Variants in PLCB1 observed in about 807,000 individuals in gnomAD.
The protein encoded by PLCB1 is phospholipase C beta 1, also known as 1-phosphatidylinositol 4,5-bisphosphate phosphodiesterase beta-1.
Under a neutral mutation model 161.8 loss-of-function variants are expected in PLCB1, and 46 were observed. The ratio of observed to expected loss-of-function variants is 0.28; its 90% CI spans 0.22 to 0.36. The LOEUF is 0.36. PLCB1 is among the 10% of genes least tolerant of loss of function. The pLI, the probability that PLCB1 is intolerant of heterozygous loss-of-function variation, is 1.00. For synonymous variants in PLCB1, 517 were observed against 503.7 expected (o/e 1.03, Z -0.35); for missense variants, 1,016 against 1,472.5 (o/e 0.69, Z 5.07).
At chr20:8,525,101 C>G (rs1600127564) in intron 3 of PLCB1, among the ~76,000 whole-genome samples, 1 of 151,982 alleles carries the variant, frequency 6.6e-6, no homozygotes, top group East Asian at 1.9e-4. Flanking sequence ...GTTACTTTTA[C>G]AAAGCCTTCC....
chr20:8,829,638 C>A (rs2146275379), intron 31 of PLCB1, among the ~76,000 whole-genome samples: 1 of 152,212 alleles, frequency 6.6e-6, no homozygotes, highest in Middle Eastern at 3.4e-3. Context: ...TATTTTCTAG[C>A]CAAAGGGAGC....
chr20:8,678,411 A>C (rs1384960043), intron 9 of PLCB1, among the ~76,000 whole-genome samples: 1 of 152,250 alleles, frequency 6.6e-6, no homozygotes, highest in Admixed American at 6.5e-5. Context: ...TATTATTTTG[A>C]GATACAGAAG....
chr20:8,757,851 C>T (rs1568587194), intron 24 of PLCB1, among the ~76,000 whole-genome samples: 1 of 140,118 alleles, frequency 7.1e-6, no homozygotes, highest in South Asian at 2.4e-4. Flanking sequence ...TCTCATTTCT[C>T]AAAATGAATA....
chr20:8,253,862 A>C (rs994248014), intron 2 of PLCB1, among the ~76,000 whole-genome samples: 7 of 151,920 alleles, frequency 4.6e-5, no homozygotes, highest in African/African-American at 1.7e-4. Flanking sequence ...ATAAGCGAGA[A>C]CATGCAGTAT....
chr20:8,763,726 T>G (rs1168048654), intron 25 of PLCB1, among the ~76,000 whole-genome samples: 2 of 152,070 alleles, frequency 1.3e-5, no homozygotes, highest in Middle Eastern at 3.2e-3. Context: ...TTCACCATGT[T>G]GGCCAGGCTA....
chr20:8,449,677 A>G (rs1014065711), intron 3 of PLCB1, among the ~76,000 whole-genome samples: 2 of 152,200 alleles, frequency 1.3e-5, no homozygotes, highest in Non-Finnish European at 2.9e-5. Context: ...CCCCCACTCA[A>G]TACACAGTGG....
At chr20:8,137,672 A>T (rs188945279) in intron 1 of PLCB1, among the ~76,000 whole-genome samples, 141 of 152,356 alleles carry the variant, frequency 9.3e-4, no homozygotes, top group Admixed American at 1.6e-3. Context: ...CCATTTTCAC[A>T]AAGTGAACAT....
intron 2 of PLCB1, among the ~76,000 whole-genome samples, chr20:8,197,197 C>A (rs970414334): frequency 1.3e-5 from 2 of 152,108 alleles, no homozygotes; most frequent in African/African-American, 4.8e-5. Flanking sequence ...AATGGGATGG[C>A]TGGGTCAAAT....
intron 2 of PLCB1, among the ~76,000 whole-genome samples, chr20:8,308,647 A>G (rs547117257): frequency 8.6e-5 from 13 of 150,500 alleles, no homozygotes; most frequent in Admixed American, 7.3e-4. Flanking sequence ...AAAAAGGACA[A>G]CTATGAATGT....
In PLCB1 at chr20:8,654,290, A is replaced by G. The variant is rs148108337; in HGVS notation, c.595-2894A>G. Reference sequence around the variant, plus strand: ...CATTCAGATTACTAATTTAGATTATACTAGCCTTCTTAAGTCATCCTTCAA... The same window carrying G: ...CATTCAGATTACTAATTTAGATTATGCTAGCCTTCTTAAGTCATCCTTCAA... On this transcript the variant is annotated intron_variant, in intron 7 of 31. Coordinates refer to ENST00000338037, the MANE Select transcript of PLCB1 (RefSeq NM_015192.4). Among the ~76,000 whole-genome samples, 725 of 152,170 alleles carry G rather than the reference A, an allele frequency of 4.8e-3. 6 individuals carry two copies. Among genetic ancestry groups the G allele is most frequent in the Middle Eastern group, 0.01 (3 of 294 alleles).
intron 31 of PLCB1, among the ~76,000 whole-genome samples, chr20:8,867,089 A>G (rs1987454749): frequency 6.6e-6 from 1 of 152,236 alleles, no homozygotes; most frequent in Non-Finnish European, 1.5e-5. Flanking sequence ...AACTGAGTTC[A>G]TTCTAGGACA....
chr20:8,520,532 T>C (rs2122880643), intron 3 of PLCB1, among the ~76,000 whole-genome samples: 1 of 152,276 alleles, frequency 6.6e-6, no homozygotes, highest in African/African-American at 2.4e-5. Flanking sequence ...AAAGTACAAT[T>C]TACCTTTAGT....
intron 3 of PLCB1, among the ~76,000 whole-genome samples, chr20:8,397,060 A>G (rs1280490090): frequency 6.6e-6 from 1 of 152,064 alleles, no homozygotes; most frequent in Non-Finnish European, 1.5e-5. Context: ...ATCTAATTCA[A>G]TCCATTATCA....
intron 2 of PLCB1, among the ~76,000 whole-genome samples, chr20:8,281,171 T>C (rs1982858100): frequency 6.6e-6 from 1 of 152,226 alleles, no homozygotes; most frequent in Non-Finnish European, 1.5e-5. Context: ...GCTATGTGTT[T>C]AGCACTCAAA....
In PLCB1 at chr20:8,883,417, T is replaced by C. The variant is rs2146339739; in HGVS notation, c.*1568T>C. 1 of 152,018 alleles carries C rather than the reference T, an allele frequency of 6.6e-6. No homozygotes were observed. Among genetic ancestry groups the C allele is most frequent in the Admixed American group, 6.6e-5 (1 of 15,266 alleles). 9.4% of individuals were successfully genotyped at this position (152,018 alleles called of 1,614,324 possible). On this transcript the variant is annotated 3_prime_UTR_variant, in exon 32 of 32. Transcript: ENST00000338037. ...TTCTGAAAAAAGAAAAATAATAATA[T>C]GTAGAAAAATGTAACTTAGAGAGTA...
intron 3 of PLCB1, among the ~76,000 whole-genome samples, chr20:8,523,490 C>CAATATATATATATATATATATATA (rs1206489907): frequency 4.4e-5 from 3 of 67,730 alleles, no homozygotes; most frequent in African/African-American, 6.5e-5. Flanking sequence ...CTCTCTCTCT[C>CAATATATATATATATATATATATA]TCTCTCTATA....
At chr20:8,786,943 G>A (rs1445437050) in intron 27 of PLCB1, among the ~76,000 whole-genome samples, 4 of 152,208 alleles carry the variant, frequency 2.6e-5, no homozygotes, top group Middle Eastern at 3.4e-3. Context: ...GACCTCAAGC[G>A]ATCCACCTGC....
At chr20:8,248,976 C>T (rs759425999) in intron 2 of PLCB1, among the ~76,000 whole-genome samples, 7 of 151,726 alleles carry the variant, frequency 4.6e-5, no homozygotes, top group African/African-American at 1.7e-4. Context: ...CATTTTAACT[C>T]GAGATTTTAG....
chr20:8,455,312 G>A (rs1452780367), intron 3 of PLCB1, among the ~76,000 whole-genome samples: 4 of 143,678 alleles, frequency 2.8e-5, no homozygotes, highest in South Asian at 4.4e-4. Context: ...TGGGCAACAG[G>A]GGAGAAACTC....
Sources: gnomAD v4.1 joint callset for allele counts (sites outside exome capture counted in the v4.1 genomes callset) on GRCh38, gnomAD v4.1.1 for gene constraint, MANE v1.5 for transcripts, NCBI Gene and HGNC (gene_info 2026-07-23, HGNC 2026-07-21) for gene names.